Variants in ACSL6 observed in about 807,000 individuals in gnomAD.
ACSL6 encodes the protein acyl-CoA synthetase long chain family member 6.
ACSL6 carries 47 observed loss-of-function variants against 98.2 expected under a neutral mutation model. The observed-to-expected ratio is 0.48, with a 90% CI of 0.38 to 0.61. The LOEUF is 0.61. Ranked by LOEUF, ACSL6 falls within the 20% of genes least tolerant of loss-of-function variation. ACSL6 has a pLI of 0.00. For missense variants in ACSL6, 761 were observed against 913.4 expected (o/e 0.83, Z 2.15); for synonymous variants, 362 against 336.9 (o/e 1.07, Z -0.82).
chr5:131,995,050 T>C (rs1754724807), intron 1 of ACSL6, among the ~76,000 whole-genome samples: 1 of 151,868 alleles, frequency 6.6e-6, no homozygotes, highest in Non-Finnish European at 1.5e-5. Context: ...CTCAGCGGAG[T>C]GCTGTGTGCG....
chr5:131,989,833 A>G (rs533547726), intron 4 of ACSL6, among the ~76,000 whole-genome samples: 4 of 152,240 alleles, frequency 2.6e-5, no homozygotes, highest in African/African-American at 9.6e-5. Flanking sequence ...TGCTCAGGCA[A>G]TCCACCCGCC....
intron 16 of ACSL6, among the ~76,000 whole-genome samples, chr5:131,967,607 G>T (rs935077636): frequency 6.6e-6 from 1 of 151,762 alleles, no homozygotes; most frequent in Non-Finnish European, 1.5e-5. Context: ...GGAGGTTGCA[G>T]TGAGCAGAGA....
chr5:131,988,322 T>C, intron 6 of ACSL6, 96 bp from the exon 7 acceptor site: 1 of 1,434,626 alleles, frequency 7.0e-7, no homozygotes, highest in East Asian at 2.3e-5. Flanking sequence ...AGCACTTCCA[T>C]GGTCTGTGTG....
chr5:132,010,252 G>C (rs1561817392), intron 1 of ACSL6, among the ~76,000 whole-genome samples: 1 of 152,198 alleles, frequency 6.6e-6, no homozygotes, highest in Non-Finnish European at 1.5e-5. Context: ...TAAGGAAATG[G>C]TGGGGGTGAA....
At chr5:131,964,182 A>G (rs1269017650) in intron 17 of ACSL6, among the ~76,000 whole-genome samples, 1 of 152,262 alleles carries the variant, frequency 6.6e-6, no homozygotes, top group Non-Finnish European at 1.5e-5. Flanking sequence ...ATAAGCTGAC[A>G]ACAAAACCAT....
chr5:131,968,586 T>A (rs982822777), intron 15 of ACSL6, among the ~76,000 whole-genome samples: 1 of 152,212 alleles, frequency 6.6e-6, no homozygotes, highest in African/African-American at 2.4e-5. Flanking sequence ...CCACACCACA[T>A]GTTGAATAAC....
At chr5:131,985,525 G>A in intron 8 of ACSL6, 67 bp from the exon 9 acceptor site, 7 of 1,572,982 alleles carry the variant, frequency 4.5e-6, no homozygotes, top group Non-Finnish European at 6.1e-6. Context: ...CAAGATGCCT[G>A]GGCTCCCCAA....
In ACSL6 at chr5:131,950,590, G is replaced by C. The variant is rs1342726310; in HGVS notation, c.*3644C>G. 5.1e-6 allele frequency: 1 copy of C among 194,338 alleles called. No individual in the cohort carries two copies. The highest frequency in any genetic ancestry group is 6.1e-5 in the Admixed American group (1 of 16,368). 12.0% of individuals were successfully genotyped at this position (194,338 alleles called of 1,614,324 possible). A position where few individuals can be genotyped will look rare whatever the true frequency, so the allele number is the denominator to read the frequency against. On this transcript the variant is annotated 3_prime_UTR_variant, in exon 21 of 21. Coordinates refer to ENST00000651883, the MANE Select transcript of ACSL6 (RefSeq NM_001009185.3). Reference sequence around the variant, plus strand: ...CGGTTATTCATTCTTTTTTTCCTGAGATATTAAGCACATTTGTAAGTAGTC... The same window carrying C: ...CGGTTATTCATTCTTTTTTTCCTGACATATTAAGCACATTTGTAAGTAGTC...
chr5:131,987,813 G>C (rs1754277207), intron 7 of ACSL6, among the ~76,000 whole-genome samples: 1 of 152,186 alleles, frequency 6.6e-6, no homozygotes, highest in South Asian at 2.1e-4. Flanking sequence ...TCAGCACCTA[G>C]TGCCAGGCTG....
At chr5:131,965,735 A>G (rs1366379598) in intron 17 of ACSL6, among the ~76,000 whole-genome samples, 1 of 152,210 alleles carries the variant, frequency 6.6e-6, no homozygotes, top group African/African-American at 2.4e-5. Context: ...AATAAATAAT[A>G]AAGGATAAAG....
intron 1 of ACSL6, chr5:131,994,465 G>A (rs253945): frequency 0.71 from 401,838 of 566,986 alleles, 151,685 homozygotes; most frequent in Non-Finnish European, 0.81. Context: ...ACAGTCAGAT[G>A]TCCTGCCCAC....
intron 18 of ACSL6, among the ~76,000 whole-genome samples, chr5:131,961,279 T>G (rs1256872254): frequency 6.6e-6 from 1 of 151,984 alleles, no homozygotes; most frequent in African/African-American, 2.4e-5. Flanking sequence ...CCTGCCTCGG[T>G]CTCCCAAAGT....
rs200587334 is a variant in ACSL6, at chr5:131,960,528, T to G, written c.1951A>C (p.Thr651Pro). Residue 651 changes from threonine to proline, a missense_variant, in exon 19 of 21, where the codon ACA becomes CCA. Transcript: ENST00000651883. The part of the protein sequence containing the change: ...GIEGTYADLC[T>P]NKDLKKAILE... ...AGCCCCAAGATACCAACCTTATTTGTGCAGAGATCTGCATATGTTCCTTCA... is the reference window on the plus strand; with the variant it reads ...AGCCCCAAGATACCAACCTTATTTGGGCAGAGATCTGCATATGTTCCTTCA... The G allele has an allele frequency of 1.2e-6, 2 of 1,613,580 alleles. No homozygotes were observed. The highest frequency in any genetic ancestry group is 1.7e-6 in the Non-Finnish European group (2 of 1,179,852).
chr5:131,989,548 T>A lies in ACSL6; in HGVS notation c.451-40A>T, dbSNP rs779798873. 3 of 1,075,140 alleles carry A rather than the reference T, an allele frequency of 2.8e-6. No individual in the cohort carries two copies. In the East Asian group the frequency reaches 8.2e-5, roughly 29 times the overall value. 66.6% of individuals were successfully genotyped at this position (1,075,140 alleles called of 1,614,324 possible). ...GGGGAAGTGATGGGAAAACAAGGAC[T>A]CTTCAACAGGGGAAGGAGATCCCCA... On this transcript the variant is annotated intron_variant, in intron 4 of 20. Coordinates refer to ENST00000651883, the MANE Select transcript of ACSL6 (RefSeq NM_001009185.3).
At chr5:132,004,805 CACCA>C (rs1457450181) in intron 1 of ACSL6, among the ~76,000 whole-genome samples, 1 of 152,186 alleles carries the variant, frequency 6.6e-6, no homozygotes, top group African/African-American at 2.4e-5. Context: ...CCCTCCCTGC[CACCA>C]CAGACAGACC....
chr5:131,995,210 C>T (rs1464592592), intron 1 of ACSL6, among the ~76,000 whole-genome samples: 1 of 152,154 alleles, frequency 6.6e-6, no homozygotes, highest in Non-Finnish European at 1.5e-5. Flanking sequence ...CTGTGAGAAG[C>T]ACTGGAGAAT....
chr5:131,986,903 T>C, intron 7 of ACSL6, 49 bp from the exon 8 acceptor site: 1 of 1,603,156 alleles, frequency 6.2e-7, no homozygotes, highest in Non-Finnish European at 8.5e-7. Flanking sequence ...TCTCTCTCTC[T>C]CTCTTTCTGT....
At chr5:131,955,272 G>A (rs1012639171) in intron 20 of ACSL6, among the ~76,000 whole-genome samples, 3 of 152,156 alleles carry the variant, frequency 2.0e-5, no homozygotes, top group Admixed American at 6.5e-5. Context: ...ATCATCAAGT[G>A]TTTCAAAATC....
At chr5:131,974,253 A>G (rs1018734885) in intron 11 of ACSL6, among the ~76,000 whole-genome samples, 1 of 152,128 alleles carries the variant, frequency 6.6e-6, no homozygotes, top group African/African-American at 2.4e-5. Context: ...ATAATCACAT[A>G]TGGATTCCTC....
Sources: gnomAD v4.1 joint callset for allele counts (sites outside exome capture counted in the v4.1 genomes callset) on GRCh38, gnomAD v4.1.1 for gene constraint, MANE v1.5 for transcripts, NCBI Gene and HGNC (gene_info 2026-07-23, HGNC 2026-07-21) for gene names.